PDE4D: variants seen among roughly 807,000 people sequenced by gnomAD.
The protein encoded by PDE4D is phosphodiesterase 4D, also known as 3',5'-cyclic-AMP phosphodiesterase 4D.
PDE4D carries 24 observed loss-of-function variants against 87.4 expected under a neutral mutation model. The ratio of observed to expected loss-of-function variants is 0.27; its 90% CI spans 0.20 to 0.39. The LOEUF (loss-of-function observed/expected upper bound fraction) is 0.39. Ranked by LOEUF, PDE4D falls within the 10% of genes least tolerant of loss-of-function variation. PDE4D has a pLI of 1.00. For missense variants in PDE4D, 714 were observed against 1,041.0 expected, an observed-to-expected ratio of 0.69 and a Z score of 4.32; for synonymous variants, 384 against 383.2, an observed-to-expected ratio of 1.00 and a Z score of -0.02.
intron 1 of PDE4D, among the ~76,000 whole-genome samples, chr5:59,602,820 G>C (rs538103563): frequency 6.6e-6 from 1 of 151,982 alleles, no homozygotes; most frequent in Non-Finnish European, 1.5e-5. Flanking sequence ...AAACAGCATC[G>C]TACTTACATA....
At chr5:59,282,421 A>G (rs1047881786) in intron 1 of PDE4D, among the ~76,000 whole-genome samples, 2 of 151,992 alleles carry the variant, frequency 1.3e-5, no homozygotes, top group African/African-American at 4.8e-5. Context: ...CGGGTGGATC[A>G]CCTGAGGTCA....
chr5:59,562,266 C>T (rs1393067458), intron 1 of PDE4D, among the ~76,000 whole-genome samples: 1 of 152,026 alleles, frequency 6.6e-6, no homozygotes, highest in African/African-American at 2.4e-5. Flanking sequence ...TTTCATATTC[C>T]TATCACAAAA....
At chr5:59,639,259 G>A (rs1741135229) in intron 1 of PDE4D, among the ~76,000 whole-genome samples, 1 of 151,924 alleles carries the variant, frequency 6.6e-6, no homozygotes, top group Admixed American at 6.6e-5. Context: ...ATATTGTGAT[G>A]AACAGCTTCT....
intron 2 of PDE4D, among the ~76,000 whole-genome samples, chr5:59,200,077 A>G (rs577162756): frequency 1.4e-5 from 2 of 145,282 alleles, no homozygotes; most frequent in Admixed American, 6.7e-5. Flanking sequence ...ACACGTATGC[A>G]CACATACATG....
At chr5:59,590,663 C>A (rs1451543684) in intron 1 of PDE4D, among the ~76,000 whole-genome samples, 1 of 152,094 alleles carries the variant, frequency 6.6e-6, no homozygotes, top group East Asian at 1.9e-4. Context: ...TATGGCATAA[C>A]CTCAGCTCTA....
intron 1 of PDE4D, among the ~76,000 whole-genome samples, chr5:60,250,378 C>T (rs568135575): frequency 4.6e-5 from 7 of 151,852 alleles, no homozygotes; most frequent in South Asian, 2.1e-4. Context: ...TGGTAATAGT[C>T]GGGGTTGGAT....
rs181775959 is a variant in PDE4D at position 59,292,348 on chromosome 5, C to T, written c.456-76380G>A. ...AGCTATTTTTAAAATAACAATCTTG[C>T]AAATAGGTAGTACCTTAAGCAAAGA... On this transcript the variant is annotated intron_variant, in intron 1 of 14. Coordinates refer to ENST00000340635, the MANE Select transcript of PDE4D (RefSeq NM_001104631.2). 2.0e-5 allele frequency among the ~76,000 whole-genome samples: 3 copies of T among 152,128 alleles called. No individual in the cohort carries two copies. The South Asian group carries it at 6.2e-4, about 31-fold the overall frequency.
intron 1 of PDE4D, among the ~76,000 whole-genome samples, chr5:59,574,005 AAT>A (rs1240300945): frequency 2.1e-4 from 25 of 119,680 alleles, no homozygotes; most frequent in East Asian, 6.8e-4. Context: ...CTCAAAAAAA[AAT>A]ATATATATAT....
At chr5:60,516,253 GCT>G (rs1487693401) in intron 1 of PDE4D, among the ~76,000 whole-genome samples, 2 of 152,342 alleles carry the variant, frequency 1.3e-5, no homozygotes, top group East Asian at 3.9e-4. Context: ...GGTTACCAGG[GCT>G]CAGTGTCTTT....
At chr5:60,049,551 A>G (rs1562025302) in intron 2 of PDE4D, among the ~76,000 whole-genome samples, 2 of 152,250 alleles carry the variant, frequency 1.3e-5, no homozygotes, top group South Asian at 2.1e-4. Flanking sequence ...TTTGGTGTGG[A>G]TGTCCTTTCT....
chr5:60,265,176 A>C (rs985778762), intron 1 of PDE4D, among the ~76,000 whole-genome samples: 2 of 152,212 alleles, frequency 1.3e-5, no homozygotes, highest in African/African-American at 4.8e-5. Flanking sequence ...GGAGATTAAT[A>C]GCAGTTCGCT....
intron 4 of PDE4D, among the ~76,000 whole-genome samples, chr5:59,184,320 G>C (rs1309273515): frequency 6.6e-6 from 1 of 152,022 alleles, no homozygotes; most frequent in Non-Finnish European, 1.5e-5. Flanking sequence ...AGCTATTTTT[G>C]ATAATGAAAA....
chr5:60,057,067 C>A (rs760611302), intron 2 of PDE4D, among the ~76,000 whole-genome samples: 1 of 151,982 alleles, frequency 6.6e-6, no homozygotes, highest in Non-Finnish European at 1.5e-5. Context: ...TACATTAAGG[C>A]AAATAAAAGT....
intron 1 of PDE4D, among the ~76,000 whole-genome samples, chr5:59,237,990 T>C (rs1437101510): frequency 6.6e-6 from 1 of 152,160 alleles, no homozygotes; most frequent in Non-Finnish European, 1.5e-5. Context: ...TCCTGAGATT[T>C]TAATCCTCTC....
chr5:59,407,396 A>G (rs1419222316), intron 1 of PDE4D, among the ~76,000 whole-genome samples: 1 of 152,344 alleles, frequency 6.6e-6, no homozygotes, highest in Admixed American at 6.5e-5. Context: ...CTATTTCTTC[A>G]TAAATTACCC....
chr5:59,658,633 G>A (rs958134200), intron 1 of PDE4D, among the ~76,000 whole-genome samples: 4 of 152,024 alleles, frequency 2.6e-5, no homozygotes, highest in African/African-American at 7.2e-5. Flanking sequence ...CGCCTGCCTC[G>A]GCCTCCCAAA....
At chr5:59,397,804 A>C (rs1789738795) in intron 1 of PDE4D, among the ~76,000 whole-genome samples, 1 of 121,998 alleles carries the variant, frequency 8.2e-6, no homozygotes, top group South Asian at 2.8e-4. Context: ...TGGTTTTTTG[A>C]AAGGATCAAC....
chr5:60,439,054 A>G (rs1293619110), intron 1 of PDE4D, among the ~76,000 whole-genome samples: 1 of 152,126 alleles, frequency 6.6e-6, no homozygotes, highest in African/African-American at 2.4e-5. Flanking sequence ...TGTACATGAT[A>G]TGACATATAA....
intron 1 of PDE4D, among the ~76,000 whole-genome samples, chr5:59,565,418 C>T (rs781243478): frequency 6.6e-6 from 1 of 152,158 alleles, no homozygotes. Context: ...ACTTGAGAGG[C>T]TGAAGTGGGA....
Sources: allele counts gnomAD v4.1 joint callset (sites outside exome capture counted in the v4.1 genomes callset), GRCh38; gene constraint gnomAD v4.1.1; transcripts MANE v1.5; gene names NCBI Gene and HGNC (gene_info 2026-07-23, HGNC 2026-07-21).